Variants in ZNF354B observed in about 807,000 individuals in gnomAD.
The protein encoded by ZNF354B is zinc finger protein 354B.
ZNF354B carries 10 observed loss-of-function variants against 12.9 expected under a neutral mutation model. The ratio of observed to expected loss-of-function variants is 0.77; its 90% CI spans 0.48 to 1.31. The LOEUF (loss-of-function observed/expected upper bound fraction) is 1.31, where lower values mean the gene tolerates loss of function less well. ZNF354B is among the 40% of genes most tolerant of loss of function. The pLI is 0.00. For missense variants in ZNF354B, 614 were observed against 711.7 expected, an observed-to-expected ratio of 0.86 and a Z score of 1.56; for synonymous variants, 260 against 243.7, an observed-to-expected ratio of 1.07 and a Z score of -0.62.
At chr5:178,882,531 ATTTG>A (rs1213399990) in intron 4 of ZNF354B, among the ~76,000 whole-genome samples, 174 bp from the exon 5 acceptor site, 1 of 152,038 alleles carries the variant, frequency 6.6e-6, no homozygotes, top group African/African-American at 2.4e-5. Context: ...TGTTTTATTC[ATTTG>A]TTCACTTATC....
At chr5:178,861,932 G>A (rs771136665) in intron 2 of ZNF354B, among the ~76,000 whole-genome samples, 1 of 152,172 alleles carries the variant, frequency 6.6e-6, no homozygotes, top group Non-Finnish European at 1.5e-5. Flanking sequence ...TCGGATCAGG[G>A]CTGGGCACTG....
intron 2 of ZNF354B, among the ~76,000 whole-genome samples, chr5:178,863,382 C>G (rs1232893808): frequency 7.0e-6 from 1 of 143,830 alleles, no homozygotes; most frequent in Non-Finnish European, 1.6e-5. Flanking sequence ...TGATAGTGGT[C>G]CCATAAGATT....
chr5:178,869,381 A>G (rs1187280020), intron 4 of ZNF354B, among the ~76,000 whole-genome samples: 1 of 152,168 alleles, frequency 6.6e-6, no homozygotes, highest in African/African-American at 2.4e-5. Context: ...CTTTGGTAGA[A>G]ATACACTAAT....
chr5:178,883,059 A>G lies in ZNF354B; in HGVS notation c.607A>G (p.Asn203Asp). Residue 203 changes from asparagine to aspartate, a missense_variant, in exon 5 of 5, where the codon AAC becomes GAC. By Grantham distance (23) the Asn-to-Asp change is conservative. Transcript: ENST00000322434. ...TTTCAAGCAGAATTCAAATTTACTTAACCAATCAAAAATCAAAACAGCAGA... is the reference window on the plus strand; with the variant it reads ...TTTCAAGCAGAATTCAAATTTACTTGACCAATCAAAAATCAAAACAGCAGA... The part of the protein sequence containing the change: ...NSFKQNSNLL[N>D]QSKIKTAEKR... 1 of 1,604,534 alleles carries G rather than the reference A, an allele frequency of 6.2e-7. No individual in the cohort carries two copies. Among genetic ancestry groups the G allele is most frequent in the South Asian group, 1.1e-5 (1 of 87,980 alleles).
At position 178,884,153 on chromosome 5, in the gene ZNF354B, A is replaced by G. The variant is rs1371234188; in HGVS notation, c.1701A>G (p.Ala567=). The change falls in exon 5 of 5, where the codon GCA becomes GCG. Residue 567 remains alanine (A), a synonymous_variant. Coordinates refer to ENST00000322434, the MANE Select transcript of ZNF354B (RefSeq NM_058230.3). ...KTFRQSSSLI[A]HQRIHTGEKP... is the part of the protein sequence containing the mutation. The stretch of plus-strand genomic sequence containing the variant: ...TTAGACAAAGCTCATCACTTATTGC[A>G]CATCAAAGAATTCATACTGGAGAGA... 2.5e-6 allele frequency: 4 copies of G among 1,614,024 alleles called. No individual in the cohort carries two copies. The Admixed American group carries it at 5.0e-5, about 20-fold the overall frequency.
intron 4 of ZNF354B, among the ~76,000 whole-genome samples, chr5:178,881,386 T>G (rs552724257): frequency 2.6e-5 from 4 of 152,292 alleles, no homozygotes; most frequent in African/African-American, 9.6e-5. Context: ...CATCTGAGGT[T>G]GAGAAATCCT....
intron 4 of ZNF354B, among the ~76,000 whole-genome samples, chr5:178,867,792 A>T (rs1356919717): frequency 6.6e-6 from 1 of 152,240 alleles, no homozygotes; most frequent in African/African-American, 2.4e-5. Flanking sequence ...AGCTGGTGAC[A>T]TTAGTTACAC....
chr5:178,867,659 C>T (rs928012474), intron 4 of ZNF354B, among the ~76,000 whole-genome samples: 63 of 152,108 alleles, frequency 4.1e-4, no homozygotes, highest in African/African-American at 1.3e-3. Flanking sequence ...AGTCCAGGGA[C>T]GTGGACAGAG....
intron 1 of ZNF354B, among the ~76,000 whole-genome samples, chr5:178,860,432 G>C (rs1244964322): frequency 6.6e-6 from 1 of 152,108 alleles, no homozygotes; most frequent in Non-Finnish European, 1.5e-5. Flanking sequence ...GCAGGGCAGA[G>C]GCAGCCGGGC....
chr5:178,871,571 A>T (rs1421604036), intron 4 of ZNF354B, among the ~76,000 whole-genome samples: 1 of 152,200 alleles, frequency 6.6e-6, no homozygotes, highest in East Asian at 1.9e-4. Context: ...GGGTTGCCTC[A>T]TTCATTCACT....
chr5:178,864,529 A>G (rs13161863), intron 2 of ZNF354B, among the ~76,000 whole-genome samples: 8 of 152,220 alleles, frequency 5.3e-5, no homozygotes, highest in Non-Finnish European at 1.2e-4. Flanking sequence ...TCATATGTAC[A>G]ATAGAAAATA....
At chr5:178,864,564 G>A (rs1264857894) in intron 2 of ZNF354B, among the ~76,000 whole-genome samples, 1 of 151,868 alleles carries the variant, frequency 6.6e-6, no homozygotes, top group African/African-American at 2.4e-5. Flanking sequence ...CCCACCATCT[G>A]GAGATAATCA....
Position 178,883,008 on chromosome 5 carries a change from T to A in ZNF354B, c.556T>A (p.Ser186Thr). The change falls in exon 5 of 5, where the codon TCA becomes ACA. Residue 186 changes from serine to threonine, a missense_variant. Coordinates refer to ENST00000322434, the MANE Select transcript of ZNF354B (RefSeq NM_058230.3). ...GAGATTTGCTAAAGAAAAAACTCCA[T>A]CAAAATGTGAAATACAAAGAAATAG... Reference protein sequence around the residue: ...QQRFAKEKTPSKCEIQRNSFK... With the variant: ...QQRFAKEKTPTKCEIQRNSFK... 1 of 1,607,284 alleles carries A rather than the reference T, an allele frequency of 6.2e-7. No homozygotes were observed. Among genetic ancestry groups the A allele is most frequent in the East Asian group, 2.2e-5 (1 of 44,780 alleles).
At chr5:178,878,543 G>A (rs551718150) in intron 4 of ZNF354B, among the ~76,000 whole-genome samples, 2 of 152,192 alleles carry the variant, frequency 1.3e-5, no homozygotes, top group Non-Finnish European at 2.9e-5. Flanking sequence ...ACTTAACCTC[G>A]GTGCCCATTT....
At chr5:178,878,941 T>C (rs1757679154) in intron 4 of ZNF354B, among the ~76,000 whole-genome samples, 1 of 152,124 alleles carries the variant, frequency 6.6e-6, no homozygotes, top group African/African-American at 2.4e-5. Flanking sequence ...CTTCAAATGA[T>C]GCACCCGCCT....
At chr5:178,865,147 C>A (rs74567710) in intron 2 of ZNF354B, among the ~76,000 whole-genome samples, 22,593 of 152,116 alleles carry the variant, frequency 0.15, 2,061 homozygotes, top group African/African-American at 0.25. Context: ...GAACTTATTT[C>A]TTTATTAAGT....
At chr5:178,864,284 A>G (rs907873495) in intron 2 of ZNF354B, among the ~76,000 whole-genome samples, 4 of 152,160 alleles carry the variant, frequency 2.6e-5, no homozygotes, top group African/African-American at 9.7e-5. Context: ...ATATATTTAC[A>G]TGCACAGACA....
rs1757507457 is a variant in ZNF354B at position 178,868,847 on chromosome 5, C to T, written c.256+1776C>T. Reference sequence around the variant, plus strand: ...ATTAGCCGGGCATGGTGGCGGGCGCCTGTAGTCCCAGCTACTCGGGAGACT... The same window carrying T: ...ATTAGCCGGGCATGGTGGCGGGCGCTTGTAGTCCCAGCTACTCGGGAGACT... On this transcript the variant is annotated intron_variant, in intron 4 of 4. Coordinates refer to ENST00000322434, the MANE Select transcript of ZNF354B (RefSeq NM_058230.3). Among the ~76,000 whole-genome samples the T allele has an allele frequency of 3.3e-5, 5 of 151,986 alleles. No homozygotes were observed. The South Asian group carries it at 1.0e-3, about 32-fold the overall frequency.
chr5:178,862,392 A>C (rs1456078938), intron 2 of ZNF354B, among the ~76,000 whole-genome samples: 1 of 129,312 alleles, frequency 7.7e-6, no homozygotes, highest in Non-Finnish European at 1.6e-5. Flanking sequence ...TTTGAGAGGC[A>C]GTCTTGCTCT....
Sources: gnomAD v4.1 joint callset for allele counts (sites outside exome capture counted in the v4.1 genomes callset) on GRCh38, gnomAD v4.1.1 for gene constraint, MANE v1.5 for transcripts, NCBI Gene and HGNC (gene_info 2026-07-23, HGNC 2026-07-21) for gene names.